CDH19: variants seen among roughly 807,000 people sequenced by gnomAD.
CDH19 encodes the protein cadherin 19.
In CDH19, 67 loss-of-function variants were observed where a neutral mutation model predicts 64.2. The observed-to-expected ratio is 1.04, with a 90% confidence interval of 0.86 to 1.28. The LOEUF (loss-of-function observed/expected upper bound fraction) is 1.28. Among genes scored for constraint, CDH19 ranks in the 50% most tolerant of loss-of-function variants. The pLI is 0.00. For missense variants in CDH19, 1,030 were observed against 929.0 expected (o/e 1.11, Z -1.41); for synonymous variants, 346 against 319.3 (o/e 1.08, Z -0.89).
intron 10 of CDH19, among the ~76,000 whole-genome samples, chr18:66,510,670 T>G (rs138718694): frequency 1.0e-4 from 15 of 150,432 alleles, no homozygotes; most frequent in African/African-American, 3.2e-4. Context: ...CATGGCTAAA[T>G]TTTGTGGAAA....
intron 5 of CDH19, among the ~76,000 whole-genome samples, chr18:66,547,668 T>G (rs918502744): frequency 1.6e-4 from 21 of 133,582 alleles, no homozygotes; most frequent in Non-Finnish European, 3.0e-4. Context: ...TAGGTTTTTT[T>G]TTTTTTTTTT....
At chr18:66,550,901 T>G (rs2144512692) in intron 5 of CDH19, among the ~76,000 whole-genome samples, 193 bp downstream of exon 5, 1 of 152,260 alleles carries the variant, frequency 6.6e-6, no homozygotes, top group East Asian at 1.9e-4. Context: ...GAATAGAAAC[T>G]AACACATTAT....
intron 9 of CDH19, among the ~76,000 whole-genome samples, chr18:66,515,222 T>C (rs183140939): frequency 2.5e-4 from 38 of 151,892 alleles, no homozygotes; most frequent in Non-Finnish European, 2.4e-4. Context: ...TTAGTTATTC[T>C]AGGTAGGTAT....
intron 7 of CDH19, among the ~76,000 whole-genome samples, chr18:66,537,862 C>T (rs1259041699): frequency 6.6e-6 from 1 of 151,970 alleles, no homozygotes; most frequent in African/African-American, 2.4e-5. Context: ...TATGTATACC[C>T]ATGCGTACAA....
intron 4 of CDH19, among the ~76,000 whole-genome samples, chr18:66,552,640 T>A (rs1449246999): frequency 1.5e-5 from 2 of 134,906 alleles, no homozygotes; most frequent in Admixed American, 1.4e-4. Context: ...TTTGACTGAA[T>A]AAAGGATATG....
intron 3 of CDH19, 42 bp downstream of exon 3, chr18:66,568,374 T>A (rs1474501675): frequency 1.4e-6 from 2 of 1,472,392 alleles, no homozygotes; most frequent in Admixed American, 3.7e-5. Context: ...TTAAACCTGC[T>A]TCATTGTTAA....
At chr18:66,529,117 T>A (rs1205051351) in intron 9 of CDH19, among the ~76,000 whole-genome samples, 2 of 151,996 alleles carry the variant, frequency 1.3e-5, no homozygotes, top group Admixed American at 1.3e-4. Flanking sequence ...GATAAGAAAG[T>A]GTGTGAAATA....
intron 1 of CDH19, among the ~76,000 whole-genome samples, chr18:66,581,174 C>T (rs942221042): frequency 2.0e-5 from 3 of 151,890 alleles, no homozygotes; most frequent in African/African-American, 4.8e-5. Context: ...TCTCTTATTG[C>T]TAATACCTGG....
At chr18:66,590,619 G>T (rs747747227) in intron 1 of CDH19, among the ~76,000 whole-genome samples, 1 of 151,352 alleles carries the variant, frequency 6.6e-6, no homozygotes, top group African/African-American at 2.4e-5. Flanking sequence ...TCTCCTATCA[G>T]AAAGAAATAC....
intron 1 of CDH19, among the ~76,000 whole-genome samples, chr18:66,588,562 G>A (rs550493854): frequency 1.7e-4 from 25 of 146,318 alleles, no homozygotes; most frequent in South Asian, 1.1e-3. Flanking sequence ...TCACTGATTC[G>A]CCCAAAATTG....
chr18:66,526,826 A>G (rs1986238652), intron 9 of CDH19, among the ~76,000 whole-genome samples: 1 of 151,980 alleles, frequency 6.6e-6, no homozygotes, highest in Non-Finnish European at 1.5e-5. Flanking sequence ...TCACTATTTC[A>G]TCATTCTTTT....
At chr18:66,548,091 T>G (rs1420623021) in intron 5 of CDH19, among the ~76,000 whole-genome samples, 1 of 146,920 alleles carries the variant, frequency 6.8e-6, no homozygotes, top group East Asian at 1.9e-4. Flanking sequence ...ATAAATATAT[T>G]ATATATTTGT....
chr18:66,544,813 G>T lies in CDH19; in HGVS notation c.866C>A (p.Ala289Glu). The T allele has an allele frequency of 7.4e-6, 12 of 1,611,826 alleles. No individual in the cohort carries two copies. Among genetic ancestry groups the T allele is most frequent in the Non-Finnish European group, 1.0e-5 (12 of 1,178,226 alleles). ...CTCTTCAATGCTGTAATCCATTTCTGCATTCTCTCCTATGTCATTATCATA... is the reference window on the plus strand; with the variant it reads ...CTCTTCAATGCTGTAATCCATTTCTTCATTCTCTCCTATGTCATTATCATA... Reference protein sequence around the residue: ...MAYDNDIGENAEMDYSIEEDD... With the variant: ...MAYDNDIGENEEMDYSIEEDD... Residue 289 changes from alanine to glutamate, a missense_variant, in exon 6 of 12, where the codon GCA becomes GAA. By Grantham distance (107) the Ala-to-Glu change is moderately radical (BLOSUM62 -1). Transcript: ENST00000262150.
intron 7 of CDH19, among the ~76,000 whole-genome samples, chr18:66,537,525 C>T (rs962696140): frequency 6.6e-6 from 1 of 152,028 alleles, no homozygotes; most frequent in Non-Finnish European, 1.5e-5. Flanking sequence ...GGTAAAATTG[C>T]TATTTTTTTC....
chr18:66,519,541 T>C (rs1985891208), intron 9 of CDH19, among the ~76,000 whole-genome samples: 1 of 152,160 alleles, frequency 6.6e-6, no homozygotes, highest in Non-Finnish European at 1.5e-5. Flanking sequence ...TTTTGATGTT[T>C]CATTCTCACA....
intron 9 of CDH19, among the ~76,000 whole-genome samples, chr18:66,516,061 G>T (rs1985722867): frequency 6.6e-6 from 1 of 151,804 alleles, no homozygotes; most frequent in Non-Finnish European, 1.5e-5. Flanking sequence ...AATATTGGGG[G>T]GTCAGAGAAC....
At chr18:66,517,878 T>C (rs889934003) in intron 9 of CDH19, among the ~76,000 whole-genome samples, 2 of 152,088 alleles carry the variant, frequency 1.3e-5, no homozygotes, top group African/African-American at 2.4e-5. Context: ...GTTTTTTATA[T>C]TTTTAAACGT....
chr18:66,519,798 C>A (rs1193109940), intron 9 of CDH19, among the ~76,000 whole-genome samples: 13 of 152,220 alleles, frequency 8.5e-5, no homozygotes, highest in Non-Finnish European at 4.4e-5. Flanking sequence ...TGCTATCCTG[C>A]TCATTTTTCT....
At chr18:66,538,289 G>T (rs1986752909) in intron 7 of CDH19, among the ~76,000 whole-genome samples, 1 of 151,950 alleles carries the variant, frequency 6.6e-6, no homozygotes, top group South Asian at 2.1e-4. Context: ...GCAATAGTTT[G>T]CCTTCAATTT....
Sources: allele counts gnomAD v4.1 joint callset (sites outside exome capture counted in the v4.1 genomes callset), GRCh38; gene constraint gnomAD v4.1.1; transcripts MANE v1.5; gene names NCBI Gene and HGNC (gene_info 2026-07-23, HGNC 2026-07-21).